ACTR3C: variants seen among roughly 807,000 people sequenced by gnomAD.
ACTR3C encodes the protein actin-related protein 3C.
ACTR3C carries 18 observed loss-of-function variants against 26.3 expected under a neutral mutation model. The observed-to-expected ratio is 0.68, with a 90% CI of 0.47 to 1.01. ACTR3C has a LOEUF of 1.01. Among genes scored for constraint, ACTR3C ranks in the 50% least tolerant of loss-of-function variants. The pLI is 0.00. For synonymous variants in ACTR3C, 55 were observed against 94.5 expected (o/e 0.58, Z 2.42); for missense variants, 184 against 250.7 (o/e 0.73, Z 1.80).
At chr7:149,917,769 G>A in the ACTR3C span, among the ~76,000 whole-genome samples, 1 of 151,444 alleles carries the variant, frequency 6.6e-6, no homozygotes, top group Non-Finnish European at 1.5e-5. Flanking sequence ...CTGAGTGGCC[G>A]AGACTATAGG....
At chr7:150,087,036 G>C in the ACTR3C span, among the ~76,000 whole-genome samples, 1 of 152,138 alleles carries the variant, frequency 6.6e-6, no homozygotes, top group Non-Finnish European at 1.5e-5. Flanking sequence ...TCCACATAAA[G>C]TAAGAATTTT....
chr7:150,154,780 T>C, the ACTR3C span, among the ~76,000 whole-genome samples: 1 of 152,088 alleles, frequency 6.6e-6, no homozygotes, highest in African/African-American at 2.4e-5. Context: ...TTTAGCCACA[T>C]GCAGAACTGG....
chr7:150,046,223 C>CA, the ACTR3C span, among the ~76,000 whole-genome samples: 2 of 151,372 alleles, frequency 1.3e-5, no homozygotes, highest in African/African-American at 2.4e-5. Flanking sequence ...TTGTGATCTC[C>CA]ATTAAAGTTT....
the ACTR3C span, among the ~76,000 whole-genome samples, chr7:149,982,696 A>C: frequency 0.029 from 4,341 of 152,102 alleles, 200 homozygotes; most frequent in African/African-American, 0.098. Context: ...AATGAAGCTC[A>C]GTGTAGGAGC....
chr7:149,913,239 C>CA, the ACTR3C span, among the ~76,000 whole-genome samples: 1 of 151,650 alleles, frequency 6.6e-6, no homozygotes, highest in East Asian at 1.9e-4. Flanking sequence ...AGAGCAGGAC[C>CA]AAAAAAACAA....
chr7:150,145,454 AT>A, the ACTR3C span, among the ~76,000 whole-genome samples: 1 of 150,908 alleles, frequency 6.6e-6, no homozygotes, highest in Non-Finnish European at 1.5e-5. Context: ...AATCTGCCTC[AT>A]TTCAACAGGC....
At chr7:150,127,931 G>A in the ACTR3C span, among the ~76,000 whole-genome samples, 1 of 151,434 alleles carries the variant, frequency 6.6e-6, no homozygotes, top group African/African-American at 2.4e-5. Flanking sequence ...GTCTTCACGT[G>A]GTCTATTTTA....
the ACTR3C span, among the ~76,000 whole-genome samples, chr7:149,971,840 A>G: frequency 1.3e-5 from 2 of 152,232 alleles, no homozygotes; most frequent in Admixed American, 1.3e-4. Context: ...AGACCTCCAC[A>G]CTGCACACCA....
At chr7:150,198,811 T>G in the ACTR3C span, among the ~76,000 whole-genome samples, 13 of 102,132 alleles carry the variant, frequency 1.3e-4, no homozygotes, top group South Asian at 3.5e-4. Context: ...GGTGGGGGGG[T>G]CAGCCCCCCG....
chr7:150,275,663 A>T (rs1834809979), intron 6 of ACTR3C, among the ~76,000 whole-genome samples: 1 of 152,014 alleles, frequency 6.6e-6, no homozygotes, highest in Non-Finnish European at 1.5e-5. Flanking sequence ...GTCACTGGAG[A>T]TTACACCACT....
the ACTR3C span, among the ~76,000 whole-genome samples, chr7:150,032,785 C>G: frequency 2.0e-5 from 3 of 151,998 alleles, no homozygotes; most frequent in African/African-American, 7.3e-5. Context: ...GTTTGCTATA[C>G]AATTTGTGCC....
At chr7:150,167,934 G>A in the ACTR3C span, among the ~76,000 whole-genome samples, 3 of 150,440 alleles carry the variant, frequency 2.0e-5, no homozygotes, top group African/African-American at 7.5e-5. Flanking sequence ...TATAGCTGAC[G>A]AGTTCCATAA....
the ACTR3C span, among the ~76,000 whole-genome samples, chr7:150,018,894 T>G: frequency 7.1e-6 from 1 of 139,976 alleles, no homozygotes; most frequent in East Asian, 2.0e-4. Flanking sequence ...ATATTTGAGT[T>G]TAGCAATGCC....
At chr7:150,036,754 A>C in the ACTR3C span, among the ~76,000 whole-genome samples, 1 of 138,146 alleles carries the variant, frequency 7.2e-6, no homozygotes, top group Admixed American at 6.9e-5. Flanking sequence ...AATCCCATGT[A>C]AGGTATCTGC....
At chr7:150,149,079 G>GTA in the ACTR3C span, among the ~76,000 whole-genome samples, 125 of 93,090 alleles carry the variant, frequency 1.3e-3, no homozygotes, top group Non-Finnish European at 1.7e-3. Flanking sequence ...TAAAGTTTGA[G>GTA]TATATATATA....
the ACTR3C span, among the ~76,000 whole-genome samples, chr7:150,217,122 T>C: frequency 6.8e-6 from 1 of 147,004 alleles, no homozygotes; most frequent in African/African-American, 2.7e-5. Flanking sequence ...TCATCTTGTG[T>C]GGCAGGTCCT....
chr7:150,197,935 G>A, the ACTR3C span, among the ~76,000 whole-genome samples: 3 of 147,824 alleles, frequency 2.0e-5, no homozygotes, highest in Non-Finnish European at 3.0e-5. Flanking sequence ...CTGCCATCTC[G>A]GCTCACTGCA....
At chr7:150,104,916 T>A in the ACTR3C span, among the ~76,000 whole-genome samples, 1 of 151,940 alleles carries the variant, frequency 6.6e-6, no homozygotes, top group African/African-American at 2.4e-5. Context: ...GGTGCTTTTA[T>A]TCCCTCTCAG....
chr7:150,041,223 C>G, the ACTR3C span: 2 of 150,752 alleles, frequency 1.3e-5, 1 homozygote, highest in Non-Finnish European at 2.9e-5. Flanking sequence ...TTTGTGACCT[C>G]ATACAAAGGC....
Sources: gnomAD v4.1 joint callset for allele counts (sites outside exome capture counted in the v4.1 genomes callset) on GRCh38, gnomAD v4.1.1 for gene constraint, MANE v1.5 for transcripts, NCBI Gene and HGNC (gene_info 2026-07-23, HGNC 2026-07-21) for gene names.